ASIC2: variants seen among roughly 807,000 people sequenced by gnomAD.
ASIC2 encodes acid sensing ion channel subunit 2.
In ASIC2, 25 loss-of-function variants were observed where a neutral mutation model predicts 57.3. That is an observed-to-expected ratio of 0.44 (90% confidence interval 0.32 to 0.61). ASIC2 has a LOEUF of 0.61. Ranked by LOEUF, ASIC2 falls within the 20% of genes least tolerant of loss-of-function variation. The pLI is 0.06. For synonymous variants in ASIC2, 319 were observed against 307.5 expected (o/e 1.04, Z -0.39); for missense variants, 641 against 738.1 (o/e 0.87, Z 1.52).
chr17:33,076,937 C>T (rs2092091193), intron 3 of ASIC2, among the ~76,000 whole-genome samples: 1 of 152,168 alleles, frequency 6.6e-6, no homozygotes, highest in African/African-American at 2.4e-5. Flanking sequence ...TTCTTTAGGG[C>T]AGATTCTAAG....
intron 1 of ASIC2, among the ~76,000 whole-genome samples, chr17:33,878,911 G>C (rs1022764694): frequency 6.6e-6 from 1 of 152,148 alleles, no homozygotes; most frequent in Non-Finnish European, 1.5e-5. Context: ...CTGATCTCTT[G>C]GCAGAAACTC....
intron 1 of ASIC2, among the ~76,000 whole-genome samples, chr17:33,605,636 G>A (rs891395256): frequency 1.3e-5 from 2 of 152,114 alleles, no homozygotes; most frequent in Non-Finnish European, 2.9e-5. Context: ...GAAATTATGG[G>A]GTGGCAACAA....
intron 1 of ASIC2, among the ~76,000 whole-genome samples, chr17:33,538,090 G>A (rs1180044172): frequency 6.6e-6 from 1 of 152,170 alleles, no homozygotes; most frequent in African/African-American, 2.4e-5. Flanking sequence ...TAAAATGCTT[G>A]GCATGCAGTA....
At chr17:33,896,091 GT>G (rs1333560370) in intron 1 of ASIC2, among the ~76,000 whole-genome samples, 2 of 152,100 alleles carry the variant, frequency 1.3e-5, no homozygotes, top group Non-Finnish European at 2.9e-5. Context: ...TGTTTATATT[GT>G]TATCCAATCA....
At chr17:33,875,149 A>T (rs1016341147) in intron 1 of ASIC2, among the ~76,000 whole-genome samples, 1 of 152,210 alleles carries the variant, frequency 6.6e-6, no homozygotes, top group African/African-American at 2.4e-5. Context: ...ATGATTTCCC[A>T]TGGAGTGGAA....
intron 1 of ASIC2, among the ~76,000 whole-genome samples, chr17:34,090,799 T>A (rs1296838345): frequency 6.6e-6 from 1 of 152,180 alleles, no homozygotes. Flanking sequence ...GCTCTCCAAA[T>A]AGGAGGGGTC....
chr17:33,893,040 C>A (rs902064483), intron 1 of ASIC2, among the ~76,000 whole-genome samples: 9 of 152,130 alleles, frequency 5.9e-5, no homozygotes, highest in Admixed American at 5.9e-4. Context: ...ATAATAAACA[C>A]CAATTTCATT....
chr17:33,782,931 C>G (rs1245598525), intron 1 of ASIC2, among the ~76,000 whole-genome samples: 1 of 152,198 alleles, frequency 6.6e-6, no homozygotes. Context: ...CTCCTTAGAA[C>G]ACCCAAAACT....
intron 1 of ASIC2, among the ~76,000 whole-genome samples, chr17:33,613,450 C>T (rs575375131): frequency 6.6e-6 from 1 of 151,362 alleles, no homozygotes; most frequent in Admixed American, 6.6e-5. Context: ...CTGCAAGCTC[C>T]GCCTTCCGGA....
At chr17:33,372,234 A>G (rs1339504715) in intron 1 of ASIC2, among the ~76,000 whole-genome samples, 1 of 151,938 alleles carries the variant, frequency 6.6e-6, no homozygotes, top group Non-Finnish European at 1.5e-5. Context: ...ATCAGAAGGC[A>G]TACAGATGTT....
At chr17:33,300,165 A>G (rs973404379) in intron 1 of ASIC2, among the ~76,000 whole-genome samples, 2 of 152,210 alleles carry the variant, frequency 1.3e-5, no homozygotes, top group African/African-American at 4.8e-5. Context: ...TCCCAAAGCC[A>G]TCAATTTCTT....
At chr17:34,081,684 C>G (rs1355229881) in intron 1 of ASIC2, among the ~76,000 whole-genome samples, 1 of 152,148 alleles carries the variant, frequency 6.6e-6, no homozygotes, top group Non-Finnish European at 1.5e-5. Flanking sequence ...TTATAATTTG[C>G]TCTATCTTTT....
intron 1 of ASIC2, among the ~76,000 whole-genome samples, chr17:33,553,320 T>C (rs1416567890): frequency 6.6e-6 from 1 of 152,144 alleles, no homozygotes; most frequent in Non-Finnish European, 1.5e-5. Context: ...GTCATATTCA[T>C]AATAACCAAT....
At chr17:33,984,182 C>T (rs1483403469) in intron 1 of ASIC2, 1 of 152,244 alleles carries the variant, frequency 6.6e-6, no homozygotes, top group Non-Finnish European at 1.5e-5. Context: ...GGAGTGGACA[C>T]TCACCTTGAC....
chr17:33,302,822 G>T (rs1471341758), intron 1 of ASIC2, among the ~76,000 whole-genome samples: 2 of 152,204 alleles, frequency 1.3e-5, no homozygotes, highest in East Asian at 1.9e-4. Flanking sequence ...GTACAGCCAG[G>T]TATCTACCAG....
At chr17:33,106,730 G>A (rs532147477) in intron 2 of ASIC2, among the ~76,000 whole-genome samples, 2 of 152,280 alleles carry the variant, frequency 1.3e-5, no homozygotes, top group South Asian at 2.1e-4. Flanking sequence ...CTGGAGCTGA[G>A]CCAATGATTC....
intron 3 of ASIC2, among the ~76,000 whole-genome samples, chr17:33,037,304 G>C (rs926574441): frequency 5.3e-5 from 8 of 151,540 alleles, no homozygotes; most frequent in Non-Finnish European, 7.4e-5. Context: ...ACTAAAATGG[G>C]TTCTTACAAT....
chr17:33,351,263 A>T (rs1908165869), intron 1 of ASIC2, among the ~76,000 whole-genome samples: 1 of 150,444 alleles, frequency 6.6e-6, no homozygotes, highest in Admixed American at 6.6e-5. Context: ...CCCTACTTCC[A>T]AAGGCCCCCT....
intron 1 of ASIC2, among the ~76,000 whole-genome samples, chr17:33,410,604 C>T (rs1910625297): frequency 6.6e-6 from 1 of 152,174 alleles, no homozygotes; most frequent in Non-Finnish European, 1.5e-5. Context: ...AGGCTGTAGT[C>T]TCAGTGCTTG....
Sources: gnomAD v4.1 joint callset for allele counts (sites outside exome capture counted in the v4.1 genomes callset) on GRCh38, gnomAD v4.1.1 for gene constraint, MANE v1.5 for transcripts, NCBI Gene and HGNC (gene_info 2026-07-23, HGNC 2026-07-21) for gene names.